RORA: variants seen among roughly 807,000 people sequenced by gnomAD.
The protein encoded by RORA is RAR related orphan receptor A, also known as nuclear receptor ROR-alpha.
A neutral mutation model predicts 69.5 loss-of-function variants in RORA; 7 were observed. That is an observed-to-expected ratio of 0.10 (90% CI 0.06 to 0.19). The LOEUF (loss-of-function observed/expected upper bound fraction) is 0.19, where lower values mean the gene tolerates loss of function less well. RORA is among the 10% of genes least tolerant of loss of function. RORA has a pLI of 1.00. For missense variants in RORA, 457 were observed against 663.0 expected, an observed-to-expected ratio of 0.69 and a Z score of 3.41; for synonymous variants, 261 against 240.8, an observed-to-expected ratio of 1.08 and a Z score of -0.78.
At position 61,025,657 on chromosome 15, in the gene RORA, A is replaced by T. The variant is rs114547222; in HGVS notation, c.166+203396T>A. ...GATTTTAATACAAAAGAGCCACCAG[A>T]CACGGTTCTGAGTTTAAAAGTAGAA... On this transcript the variant is annotated intron_variant, in intron 1 of 10. Transcript: ENST00000335670. Among the ~76,000 whole-genome samples, 657 of 152,348 alleles carry T rather than the reference A, an allele frequency of 4.3e-3. 3 individuals are homozygous for T. Among genetic ancestry groups the T allele is most frequent in the African/African-American group, 0.015 (615 of 41,578 alleles).
chr15:60,873,156 A>G (rs1438547600), intron 1 of RORA, among the ~76,000 whole-genome samples: 2 of 151,726 alleles, frequency 1.3e-5, no homozygotes, highest in African/African-American at 4.8e-5. Context: ...TAAAGTGTTC[A>G]TCTCAGATTC....
At chr15:60,546,000 G>A (rs1595949957) in intron 2 of RORA, among the ~76,000 whole-genome samples, 1 of 152,180 alleles carries the variant, frequency 6.6e-6, no homozygotes, top group African/African-American at 2.4e-5. Context: ...TGAACGTGGT[G>A]ATCAGGTTGC....
chr15:61,183,129 A>G (rs928206249), intron 1 of RORA: 3 of 152,314 alleles, frequency 2.0e-5, no homozygotes, highest in African/African-American at 7.2e-5. Context: ...TTAATTGATA[A>G]CTTGTACCAT....
At chr15:60,942,226 G>A (rs1892721464) in intron 1 of RORA, among the ~76,000 whole-genome samples, 1 of 152,066 alleles carries the variant, frequency 6.6e-6, no homozygotes, top group South Asian at 2.1e-4. Flanking sequence ...AGATCTTTCA[G>A]ACCTTACAAC....
At chr15:60,623,471 C>A (rs1357443046) in intron 2 of RORA, among the ~76,000 whole-genome samples, 1 of 152,202 alleles carries the variant, frequency 6.6e-6, no homozygotes, top group Non-Finnish European at 1.5e-5. Context: ...ACCCTAGGCA[C>A]TTGTCTAACT....
intron 1 of RORA, among the ~76,000 whole-genome samples, chr15:61,189,806 G>A (rs1455190636): frequency 8.5e-6 from 1 of 117,156 alleles, no homozygotes; most frequent in Non-Finnish European, 1.6e-5. Context: ...GCAGTGAGCC[G>A]AGATTGCACC....
intron 1 of RORA, among the ~76,000 whole-genome samples, chr15:60,979,002 C>T (rs1435719414): frequency 8.7e-6 from 1 of 115,240 alleles, no homozygotes; most frequent in East Asian, 3.3e-4. Context: ...TGCTCAGTAG[C>T]CCAGGCTGGA....
chr15:60,878,085 G>A (rs1231984070), intron 1 of RORA, among the ~76,000 whole-genome samples: 1 of 150,990 alleles, frequency 6.6e-6, no homozygotes, highest in African/African-American at 2.4e-5. Context: ...TAATCACTTT[G>A]GGAAGCCGAG....
intron 1 of RORA, among the ~76,000 whole-genome samples, chr15:60,938,873 G>T (rs1415543491): frequency 6.6e-6 from 1 of 152,212 alleles, no homozygotes; most frequent in Non-Finnish European, 1.5e-5. Flanking sequence ...CTGGAGATTT[G>T]TGTGTAAACT....
Position 61,226,961 on chromosome 15 carries a change from T to A in RORA, c.166+2092A>T, listed in dbSNP as rs1488528704. On this transcript the variant is annotated intron_variant, in intron 1 of 10. Transcript: ENST00000335670. This position sits in a 1 kb window ranked among gnomAD's most constrained non-coding sequence, Gnocchi z 4.2. ...CACTCCTACTATGCCCCTCTCCCCT[T>A]TTTGCTGAGCCTAAGGGGGCTGGTG... Among the ~76,000 whole-genome samples, 1 of 152,078 alleles carries A rather than the reference T, an allele frequency of 6.6e-6. No individual in the cohort carries two copies. The highest frequency in any genetic ancestry group is 1.5e-5 in the Non-Finnish European group (1 of 68,008).
rs761519588 is a variant in RORA, at chr15:60,531,898, C to A, written c.197-47G>T. 4.2e-6 allele frequency: 5 copies of A among 1,183,374 alleles called. No individual in the cohort carries two copies. The highest frequency in any genetic ancestry group is 4.9e-6 in the Non-Finnish European group (4 of 812,582). The allele number at this position is 1,183,374 out of a possible 1,614,324, so 73.3% of individuals were successfully genotyped here. A position where few individuals can be genotyped will look rare whatever the true frequency, so the allele number is the denominator to read the frequency against. ...AGTTAATTACATTTTCTTTTAAACA[C>A]CTTATAAAAGCGTTCCCTGATCAGC... On this transcript the variant is annotated intron_variant, in intron 2 of 10. Coordinates refer to ENST00000335670, the MANE Select transcript of RORA (RefSeq NM_134261.3). The surrounding 1 kb of genome is among the most constrained non-coding windows in gnomAD (Gnocchi z 4.8).
intron 1 of RORA, among the ~76,000 whole-genome samples, chr15:60,955,738 G>C (rs1033787234): frequency 6.6e-6 from 1 of 152,186 alleles, no homozygotes; most frequent in Non-Finnish European, 1.5e-5. Flanking sequence ...AGCCAGGGTG[G>C]AGCAAGAGGA....
intron 1 of RORA, among the ~76,000 whole-genome samples, chr15:60,936,959 G>A (rs1892541624): frequency 6.6e-6 from 1 of 152,184 alleles, no homozygotes; most frequent in African/African-American, 2.4e-5. Context: ...TATGCTCTGT[G>A]AAGGAAAGGG....
intron 2 of RORA, among the ~76,000 whole-genome samples, chr15:60,619,960 T>A (rs1326751176): frequency 1.3e-5 from 2 of 152,244 alleles, no homozygotes; most frequent in Non-Finnish European, 2.9e-5. Flanking sequence ...AAGAGCTCCA[T>A]CCACCTTCTC....
intron 6 of RORA, among the ~76,000 whole-genome samples, chr15:60,504,373 C>A (rs2065428029): frequency 1.3e-5 from 2 of 151,890 alleles, no homozygotes; most frequent in African/African-American, 4.8e-5. Context: ...ATGGTGAAAC[C>A]CTGTTCCTAC....
At chr15:60,538,197 C>A (rs2066740165) in intron 2 of RORA, among the ~76,000 whole-genome samples, 1 of 152,086 alleles carries the variant, frequency 6.6e-6, no homozygotes, top group Non-Finnish European at 1.5e-5. Context: ...ATCTGGGGCT[C>A]TCAAGAGGAC....
chr15:60,997,809 C>T (rs954176628), intron 1 of RORA, among the ~76,000 whole-genome samples: 1 of 152,160 alleles, frequency 6.6e-6, no homozygotes, highest in African/African-American at 2.4e-5. Context: ...TTTAACTTTG[C>T]TTTAGTGATT....
At chr15:60,845,787 C>T (rs1384087216) in intron 1 of RORA, among the ~76,000 whole-genome samples, 1 of 152,214 alleles carries the variant, frequency 6.6e-6, no homozygotes, top group Non-Finnish European at 1.5e-5. Flanking sequence ...TGCTCTGTCG[C>T]CCAGGCTGCA....
chr15:60,861,259 T>C (rs1000619343), intron 1 of RORA, among the ~76,000 whole-genome samples: 1 of 152,152 alleles, frequency 6.6e-6, no homozygotes, highest in Non-Finnish European at 1.5e-5. Flanking sequence ...GTCAATAACA[T>C]ATCTCAGAAA....
Sources: gnomAD v4.1 joint callset for allele counts (sites outside exome capture counted in the v4.1 genomes callset) on GRCh38, gnomAD v4.1.1 for gene constraint, Gnocchi (gnomAD v3.1) non-coding constraint, MANE v1.5 for transcripts, NCBI Gene and HGNC (gene_info 2026-07-23, HGNC 2026-07-21) for gene names.